Variants in SEC14L1 observed in about 807,000 individuals in gnomAD.
SEC14L1 encodes SEC14 like lipid binding 1, also known as SEC14-like protein 1.
SEC14L1 carries 48 observed loss-of-function variants against 85.3 expected under a neutral mutation model. That is an observed-to-expected ratio of 0.56 (90% CI 0.45 to 0.72). SEC14L1 has a LOEUF of 0.72. Ranked by LOEUF, SEC14L1 falls within the 30% of genes least tolerant of loss-of-function variation. SEC14L1 has a pLI of 0.00. For missense variants in SEC14L1, 682 were observed against 921.4 expected (o/e 0.74, Z 3.36); for synonymous variants, 391 against 355.5 (o/e 1.10, Z -1.12).
intron 6 of SEC14L1, 112 bp from the exon 7 acceptor site, chr17:77,194,565 G>A: frequency 9.7e-6 from 7 of 718,174 alleles, no homozygotes; most frequent in Non-Finnish European, 9.2e-6. Context: ...AAAAAAAAAA[G>A]ATTGTGAGGC....
intron 3 of SEC14L1, among the ~76,000 whole-genome samples, chr17:77,122,230 G>A (rs1286995060): frequency 6.6e-6 from 1 of 152,092 alleles, no homozygotes; most frequent in Non-Finnish European, 1.5e-5. Context: ...AGAGAGAAGG[G>A]CAGGCAAGAA....
chr17:77,119,999 G>A (rs780271200), intron 3 of SEC14L1, among the ~76,000 whole-genome samples: 1 of 152,110 alleles, frequency 6.6e-6, no homozygotes, highest in Non-Finnish European at 1.5e-5. Context: ...GTATTGCACT[G>A]AAAACATTTT....
chr17:77,202,911 T>C (rs1190101144), intron 9 of SEC14L1, among the ~76,000 whole-genome samples: 1 of 144,160 alleles, frequency 6.9e-6, no homozygotes, highest in Non-Finnish European at 1.5e-5. Context: ...AGGGAGAGAC[T>C]CTCTCTCTAA....
At chr17:77,194,216 T>C (rs997301586) in intron 6 of SEC14L1, among the ~76,000 whole-genome samples, 1 of 152,212 alleles carries the variant, frequency 6.6e-6, no homozygotes, top group Non-Finnish European at 1.5e-5. Context: ...GCCTTTTCTT[T>C]TTTTCTATTA....
At chr17:77,095,431 ACCTTGTCTCTGCATGAAGTGT>A (rs1208498430) in intron 3 of SEC14L1, among the ~76,000 whole-genome samples, 2 of 152,172 alleles carry the variant, frequency 1.3e-5, no homozygotes, top group Non-Finnish European at 2.9e-5. Context: ...TCAGGGTGCC[ACCTTGTCTCTGCATGAAGTGT>A]CTGCAGACAC....
At chr17:77,166,832 C>T (rs556535129) in intron 3 of SEC14L1, among the ~76,000 whole-genome samples, 1 of 152,074 alleles carries the variant, frequency 6.6e-6, no homozygotes, top group African/African-American at 2.4e-5. Context: ...GAGCAAGACT[C>T]AGTCTCAAAA....
At chr17:77,144,021 G>C (rs1410150059) in intron 3 of SEC14L1, among the ~76,000 whole-genome samples, 1 of 152,156 alleles carries the variant, frequency 6.6e-6, no homozygotes, top group Non-Finnish European at 1.5e-5. Flanking sequence ...GTGTGGAAGA[G>C]TGCTCTGCCT....
chr17:77,200,778 G>A, intron 9 of SEC14L1, 105 bp downstream of exon 9: 1 of 1,054,848 alleles, frequency 9.5e-7, no homozygotes, highest in Non-Finnish European at 1.4e-6. Flanking sequence ...CCCCTTGAGT[G>A]CATCGTTTCT....
Position 77,190,850 on chromosome 17 carries a change from G to A in SEC14L1, c.111G>A (p.Val37=), listed in dbSNP as rs751450088. ...FPTCPLIPMF[V]GSDTVNEFKS... ...CATGTCCTTTGATTCCGATGTTCGT[G>A]GGCAGTGACACTGTGAATGAATTCA... The change falls in exon 4 of 17, where the codon GTG becomes GTA. Residue 37 remains valine, a synonymous_variant. Transcript: ENST00000436233. 1.1e-5 allele frequency: 18 copies of A among 1,614,098 alleles called. No homozygotes were observed. The highest frequency in any genetic ancestry group is 1.5e-5 in the Non-Finnish European group (18 of 1,180,036).
chr17:77,207,413 G>A (rs983432271), intron 13 of SEC14L1, among the ~76,000 whole-genome samples: 2 of 151,584 alleles, frequency 1.3e-5, no homozygotes, highest in Non-Finnish European at 2.9e-5. Context: ...TGTAGAGGCA[G>A]AGTCTCACTA....
At chr17:77,212,284 C>G in intron 15 of SEC14L1, 83 bp downstream of exon 15, 1 of 1,550,176 alleles carries the variant, frequency 6.5e-7, no homozygotes, top group East Asian at 2.3e-5. Flanking sequence ...CTTTGCTTCG[C>G]TCCTTGAGCA....
chr17:77,092,276 C>T (rs560946820), intron 2 of SEC14L1, among the ~76,000 whole-genome samples: 2 of 152,178 alleles, frequency 1.3e-5, no homozygotes, highest in Middle Eastern at 3.4e-3. Context: ...AGTCATACGC[C>T]GTGGAGGGAA....
intron 3 of SEC14L1, among the ~76,000 whole-genome samples, chr17:77,173,665 T>C (rs1328614908): frequency 6.6e-6 from 1 of 152,196 alleles, no homozygotes; most frequent in African/African-American, 2.4e-5. Context: ...GCCAGAAAAC[T>C]GATGGTTTGA....
intron 9 of SEC14L1, among the ~76,000 whole-genome samples, chr17:77,201,596 G>T (rs763182997): frequency 2.0e-5 from 3 of 151,980 alleles, no homozygotes; most frequent in Non-Finnish European, 4.4e-5. Flanking sequence ...GACTACAGGT[G>T]TGCACCACCA....
rs551039520 is a variant in SEC14L1 at position 77,201,315 on chromosome 17, A to T, written c.1009+642A>T. ...GGATGGAATTGGAAACGTCGGCGAG[A>T]GGGAAGCACCGTAGAACTGGTTCTT... On this transcript the variant is annotated intron_variant, in intron 9 of 16. Coordinates refer to ENST00000436233, the MANE Select transcript of SEC14L1 (RefSeq NM_001143998.2). 4.7e-4 allele frequency among the ~76,000 whole-genome samples: 72 copies of T among 152,340 alleles called. No homozygotes were observed. The South Asian group carries it at 0.014, about 30-fold the overall frequency.
At position 77,215,158 on chromosome 17, in the gene SEC14L1, A is replaced by G. The variant is rs898284638; in HGVS notation, c.*1135A>G. 10 of 985,344 alleles carry G rather than the reference A, an allele frequency of 1.0e-5. No homozygotes were observed. The allele number at this position is 985,344 out of a possible 1,614,324, so 61.0% of individuals were successfully genotyped here. On this transcript the variant is annotated 3_prime_UTR_variant, in exon 17 of 17. Coordinates refer to ENST00000436233, the MANE Select transcript of SEC14L1 (RefSeq NM_001143998.2). Reference sequence around the variant, plus strand: ...AGTGGAAACTTAGTTTGAGTAATGAAGGAATCTTCACAGAAGCAAATCAGA... The same window carrying G: ...AGTGGAAACTTAGTTTGAGTAATGAGGGAATCTTCACAGAAGCAAATCAGA...
chr17:77,206,159 G>A lies in SEC14L1; in HGVS notation c.1170-70G>A, dbSNP rs1976453661. Reference sequence around the variant, plus strand: ...GAAATAGCTATAAATGACCAAAAAGGAAGAAAATAAGACACAGTTTGCTAA... The same window carrying A: ...GAAATAGCTATAAATGACCAAAAAGAAAGAAAATAAGACACAGTTTGCTAA... On this transcript the variant is annotated intron_variant, in intron 11 of 16. Transcript: ENST00000436233. This position sits in a 1 kb window ranked among gnomAD's most constrained non-coding sequence, Gnocchi z 4.3. 6.6e-7 allele frequency: 1 copy of A among 1,503,810 alleles called. No individual in the cohort carries two copies. Among genetic ancestry groups the A allele is most frequent in the Admixed American group, 1.9e-5 (1 of 51,456 alleles). The allele number at this position is 1,503,810 out of a possible 1,614,324, so 93.2% of individuals were successfully genotyped here. A position where few individuals can be genotyped will look rare whatever the true frequency, so the allele number is the denominator to read the frequency against.
At chr17:77,106,102 A>G (rs1407059121) in intron 3 of SEC14L1, among the ~76,000 whole-genome samples, 3 of 152,110 alleles carry the variant, frequency 2.0e-5, no homozygotes, top group African/African-American at 7.2e-5. Flanking sequence ...CATTGAAATT[A>G]TTTGGTTCTG....
intron 3 of SEC14L1, among the ~76,000 whole-genome samples, chr17:77,128,430 ATT>A (rs1567881063): frequency 1.1e-4 from 6 of 52,290 alleles, no homozygotes; most frequent in South Asian, 6.5e-4. Flanking sequence ...ATTTTATTTT[ATT>A]TTATTTTATT....
Sources: allele counts gnomAD v4.1 joint callset (sites outside exome capture counted in the v4.1 genomes callset), GRCh38; gene constraint gnomAD v4.1.1; non-coding constraint Gnocchi (gnomAD v3.1); transcripts MANE v1.5; gene names NCBI Gene and HGNC (gene_info 2026-07-23, HGNC 2026-07-21).